The following PTPN3 variants were observed in gnomAD, a reference collection of about 807,000 sequenced individuals.
PTPN3 encodes the protein protein tyrosine phosphatase non-receptor type 3.
A neutral mutation model predicts 132.7 loss-of-function variants in PTPN3; 96 were observed. The observed-to-expected ratio is 0.72, with a 90% CI of 0.61 to 0.86. The LOEUF (loss-of-function observed/expected upper bound fraction) is 0.86. Ranked by LOEUF, PTPN3 falls within the 40% of genes least tolerant of loss-of-function variation. The pLI is 0.00. For synonymous variants in PTPN3, 398 were observed against 429.0 expected, an observed-to-expected ratio of 0.93 and a Z score of 0.89; for missense variants, 1,125 against 1,159.6, an observed-to-expected ratio of 0.97 and a Z score of 0.43.
chr9:109,399,834 C>G (rs2131687878), intron 19 of PTPN3, among the ~76,000 whole-genome samples: 1 of 152,126 alleles, frequency 6.6e-6, no homozygotes, highest in East Asian at 1.9e-4. Context: ...CAGTGTACAC[C>G]CCCATCAGCC....
At chr9:109,450,454 G>A (rs911434176) in intron 5 of PTPN3, 21 of 982,284 alleles carry the variant, frequency 2.1e-5, no homozygotes, top group African/African-American at 8.8e-5. Context: ...TAATCAGTAT[G>A]TCTTCCTAGG....
At chr9:109,382,122 A>G (rs1839151173) in intron 24 of PTPN3, among the ~76,000 whole-genome samples, 180 bp downstream of exon 24, 1 of 152,244 alleles carries the variant, frequency 6.6e-6, no homozygotes, top group African/African-American at 2.4e-5. Context: ...ACATTCACAA[A>G]GTTAGGATTT....
intron 2 of PTPN3, among the ~76,000 whole-genome samples, chr9:109,459,930 A>T (rs1330032414): frequency 6.6e-6 from 1 of 152,000 alleles, no homozygotes; most frequent in South Asian, 2.1e-4. Context: ...CTTGCTTCTC[A>T]GGGGATCTCC....
intron 11 of PTPN3, 115 bp downstream of exon 11, chr9:109,428,506 G>C: frequency 2.8e-6 from 3 of 1,055,322 alleles, no homozygotes; most frequent in Non-Finnish European, 4.1e-6. Context: ...AGCTACTTGG[G>C]AGGCTGAGGC....
the PTPN3 span, among the ~76,000 whole-genome samples, chr9:109,510,656 T>C: frequency 6.8e-6 from 1 of 147,704 alleles, no homozygotes; most frequent in Non-Finnish European, 1.5e-5. Context: ...CACTGATTGT[T>C]ATATAACTCA....
At chr9:109,456,616 G>C (rs1845577825) in intron 4 of PTPN3, among the ~76,000 whole-genome samples, 1 of 152,176 alleles carries the variant, frequency 6.6e-6, no homozygotes, top group South Asian at 2.1e-4. Flanking sequence ...TGGAACATCA[G>C]GCCGAGAGCA....
At chr9:109,436,830 G>T in intron 9 of PTPN3, 53 bp downstream of exon 9, 1 of 1,562,096 alleles carries the variant, frequency 6.4e-7, no homozygotes. Context: ...CAAACTCTCA[G>T]AGATTAAAAT....
At chr9:109,531,503 C>T in the PTPN3 span, among the ~76,000 whole-genome samples, 39 of 152,286 alleles carry the variant, frequency 2.6e-4, no homozygotes, top group East Asian at 2.7e-3. Context: ...TACACCCACT[C>T]GCTGCCACTA....
At chr9:109,473,319 C>G (rs956117557) in intron 1 of PTPN3, among the ~76,000 whole-genome samples, 1 of 152,140 alleles carries the variant, frequency 6.6e-6, no homozygotes, top group African/African-American at 2.4e-5. Flanking sequence ...TTTGTAGGAC[C>G]CGTTGTATTC....
At chr9:109,444,789 GT>G (rs1844737596) in intron 7 of PTPN3, among the ~76,000 whole-genome samples, 1 of 152,248 alleles carries the variant, frequency 6.6e-6, no homozygotes, top group East Asian at 1.9e-4. Flanking sequence ...TCCCAGTAGT[GT>G]TTTAGAGTAG....
At chr9:109,471,914 T>C (rs548511579) in intron 1 of PTPN3, among the ~76,000 whole-genome samples, 4 of 152,318 alleles carry the variant, frequency 2.6e-5, no homozygotes, top group African/African-American at 9.6e-5. Flanking sequence ...AGAGTTCCTT[T>C]TGGTTCTGCC....
chr9:109,390,675 G>C (rs930428994), intron 21 of PTPN3, among the ~76,000 whole-genome samples: 11 of 152,124 alleles, frequency 7.2e-5, no homozygotes, highest in Non-Finnish European at 1.3e-4. Flanking sequence ...TGCGTTTTTA[G>C]AGAGAAAATA....
At chr9:109,502,916 TTGG>T (rs1242634077), upstream of PTPN3, among the ~76,000 whole-genome samples, 1 of 152,180 alleles carries the variant, frequency 6.6e-6, no homozygotes, top group African/African-American at 2.4e-5. Context: ...CAAAATATTA[TTGG>T]TGGTGTGTCT....
At chr9:109,459,921 T>A (rs565440954) in intron 2 of PTPN3, among the ~76,000 whole-genome samples, 28 of 152,152 alleles carry the variant, frequency 1.8e-4, no homozygotes, top group African/African-American at 5.8e-4. Context: ...TTCCATCCAC[T>A]TGCTTCTCAG....
At chr9:109,389,465 T>C in intron 21 of PTPN3, 86 bp from the exon 22 acceptor site, 4 of 1,341,184 alleles carry the variant, frequency 3.0e-6, no homozygotes, top group Non-Finnish European at 4.0e-6. Context: ...TACTTGCTAA[T>C]TGATATTGCA....
intron 13 of PTPN3, among the ~76,000 whole-genome samples, chr9:109,422,070 G>A (rs971718265): frequency 2.0e-4 from 30 of 152,098 alleles, no homozygotes; most frequent in African/African-American, 6.3e-4. Flanking sequence ...TTTCATTTGC[G>A]GTAGTTTTTA....
the PTPN3 span, among the ~76,000 whole-genome samples, chr9:109,512,802 G>A: frequency 7.9e-5 from 12 of 152,314 alleles, no homozygotes; most frequent in African/African-American, 1.9e-4. Context: ...AAGGGAAACC[G>A]TGGACACATT....
intron 4 of PTPN3, among the ~76,000 whole-genome samples, chr9:109,455,299 G>A (rs556225624): frequency 6.6e-6 from 1 of 152,212 alleles, no homozygotes; most frequent in South Asian, 2.1e-4. Context: ...TCACAGAGAC[G>A]GCAACAGGAG....
At chr9:109,457,444 T>C (rs745320745) in intron 2 of PTPN3, 45 bp from the exon 3 acceptor site, 16 of 1,514,294 alleles carry the variant, frequency 1.1e-5, no homozygotes, top group African/African-American at 1.4e-5. Context: ...TTAAATTAAT[T>C]GGTGGTAAAA....
Sources: gnomAD v4.1 joint callset for allele counts (sites outside exome capture counted in the v4.1 genomes callset) on GRCh38, gnomAD v4.1.1 for gene constraint, MANE v1.5 for transcripts, NCBI Gene and HGNC (gene_info 2026-07-23, HGNC 2026-07-21) for gene names.